Variants in USP42 observed in about 807,000 individuals in gnomAD.
The protein encoded by USP42 is ubiquitin specific peptidase 42, also known as ubiquitin carboxyl-terminal hydrolase 42.
Under a neutral mutation model 113.0 loss-of-function variants are expected in USP42, and 23 were observed. The ratio of observed to expected loss-of-function variants is 0.20; its 90% CI spans 0.15 to 0.29. The LOEUF (loss-of-function observed/expected upper bound fraction) is 0.29, where lower values mean the gene tolerates loss of function less well. Ranked by LOEUF, USP42 falls within the 10% of genes least tolerant of loss-of-function variation. The pLI is 1.00. For synonymous variants in USP42, 933 were observed against 699.0 expected (o/e 1.33, Z -5.28); for missense variants, 2,174 against 1,779.8 (o/e 1.22, Z -3.99).
intron 13 of USP42, 38 bp downstream of exon 13, chr7:6,150,340 G>C: frequency 6.2e-7 from 1 of 1,606,894 alleles, no homozygotes; most frequent in Non-Finnish European, 8.5e-7. Flanking sequence ...CGTTTGTGGC[G>C]GTTCCCTTGG....
At chr7:6,133,556 C>A (rs1000664802) in intron 3 of USP42, among the ~76,000 whole-genome samples, 1 of 152,096 alleles carries the variant, frequency 6.6e-6, no homozygotes, top group East Asian at 1.9e-4. Context: ...ACTCTGTCAC[C>A]CAGGCTGGAG....
intron 7 of USP42, among the ~76,000 whole-genome samples, chr7:6,141,196 CTTTTCTT>C (rs1401852263): frequency 1.5e-5 from 2 of 131,872 alleles, no homozygotes; most frequent in African/African-American, 2.8e-5. Context: ...TTTTCTTTTT[CTTTTCTT>C]TTTTTTTTTT....
At chr7:6,111,511 G>A (rs1779595292) in intron 2 of USP42, 137 bp downstream of exon 2, 2 of 1,027,052 alleles carry the variant, frequency 1.9e-6, no homozygotes, top group African/African-American at 1.6e-5. Flanking sequence ...ATTACTTGAT[G>A]GGCTTTGTTT....
intron 4 of USP42, among the ~76,000 whole-genome samples, chr7:6,137,911 C>T (rs1266193281): frequency 1.3e-5 from 2 of 152,106 alleles, no homozygotes; most frequent in African/African-American, 4.8e-5. Context: ...GATATCCTGA[C>T]CTCATGATCC....
chr7:6,095,447 A>G, the USP42 span, among the ~76,000 whole-genome samples: 1 of 151,092 alleles, frequency 6.6e-6, no homozygotes, highest in African/African-American at 2.5e-5. Flanking sequence ...AGGCAGGCAG[A>G]TCACGAAGTC....
At chr7:6,116,714 C>T (rs544170610) in intron 3 of USP42, 1 of 503,242 alleles carries the variant, frequency 2.0e-6, no homozygotes, top group South Asian at 1.6e-5. Context: ...GAAAAATCAC[C>T]TAGAATCTCA....
At chr7:6,106,825 C>G (rs1299301368) in intron 1 of USP42, among the ~76,000 whole-genome samples, 4 of 152,144 alleles carry the variant, frequency 2.6e-5, no homozygotes, top group Non-Finnish European at 5.9e-5. Flanking sequence ...CTTGGCCTCC[C>G]AAAGTGTTGG....
upstream of USP42, among the ~76,000 whole-genome samples, chr7:6,100,689 T>A (rs1470006640): frequency 6.7e-6 from 1 of 149,628 alleles, no homozygotes; most frequent in East Asian, 1.9e-4. Context: ...TGTCTTTTTT[T>A]TTTTTTTTTT....
intron 9 of USP42, among the ~76,000 whole-genome samples, chr7:6,144,750 A>T (rs989377795): frequency 9.9e-5 from 15 of 151,806 alleles, no homozygotes; most frequent in Non-Finnish European, 1.8e-4. Context: ...GGCACTTGTA[A>T]TCCTAGCTAC....
chr7:6,081,970 G>T, the USP42 span, among the ~76,000 whole-genome samples: 2 of 152,016 alleles, frequency 1.3e-5, no homozygotes, highest in South Asian at 4.1e-4. Flanking sequence ...AACATATTCT[G>T]TGAGACAATA....
intron 3 of USP42, among the ~76,000 whole-genome samples, chr7:6,132,174 C>T (rs1288140880): frequency 6.6e-6 from 1 of 152,142 alleles, no homozygotes; most frequent in Non-Finnish European, 1.5e-5. Context: ...GATCCACCCG[C>T]CTTGGCTTCC....
rs1053409049 is a variant in USP42 at position 6,155,269 on chromosome 7, A to G, written c.3641+74A>G. ...AGTGGGGCCTGTCCCTTCTCACTCG[A>G]CTCAGGAACAAGTGACCAGCCAGGC... On this transcript the variant is annotated intron_variant, in intron 15 of 17. Transcript: ENST00000306177. The G allele has an allele frequency of 4.7e-5, 68 of 1,444,328 alleles. No homozygotes were observed. In the African/African-American group the frequency reaches 7.2e-4, roughly 15 times the overall value. 89.5% of individuals were successfully genotyped at this position (1,444,328 alleles called of 1,614,324 possible).
chr7:6,159,390 A>T lies in USP42; in HGVS notation c.3944-60A>T, dbSNP rs545299704. ...TAGCCACTTAACGCACACACACAGC[A>T]GAGGCCCTGGCGATTTTGCAACCAT... is the stretch of plus-strand genomic sequence containing the variant. On this transcript the variant is annotated intron_variant, in intron 16 of 17. Coordinates refer to ENST00000306177, the MANE Select transcript of USP42 (RefSeq NM_032172.3). The surrounding 1 kb of genome is among the most constrained non-coding windows in gnomAD (Gnocchi z 4.1). 3.7e-6 allele frequency: 6 copies of T among 1,612,370 alleles called. No homozygotes were observed. Among genetic ancestry groups the T allele is most frequent in the Non-Finnish European group, 4.2e-6 (5 of 1,178,808 alleles).
At chr7:6,153,124 T>G (rs974898140) in intron 14 of USP42, 8 of 177,234 alleles carry the variant, frequency 4.5e-5, no homozygotes, top group Non-Finnish European at 8.8e-5. Context: ...AACACAAATA[T>G]CAGCTGGGCA....
intron 3 of USP42, among the ~76,000 whole-genome samples, chr7:6,123,148 C>A (rs1178494134): frequency 6.6e-6 from 1 of 152,086 alleles, no homozygotes; most frequent in African/African-American, 2.4e-5. Flanking sequence ...TTGATGAACT[C>A]ATTTCGTTAC....
At chr7:6,091,936 T>C in the USP42 span, among the ~76,000 whole-genome samples, 19 of 150,774 alleles carry the variant, frequency 1.3e-4, no homozygotes, top group Non-Finnish European at 2.5e-4. Flanking sequence ...CTATTCGATA[T>C]CTGCCTGGAA....
chr7:6,154,850 G>C lies in USP42; in HGVS notation c.3296G>C (p.Gly1099Ala). ...HERPHKDHNR[G>A]RRGCEPARER... Reference sequence around the variant, plus strand: ...CGGCCGCACAAGGACCACAACCGGGGCCGTAGGGGCTGCGAGCCGGCCCGG... The same window carrying C: ...CGGCCGCACAAGGACCACAACCGGGCCCGTAGGGGCTGCGAGCCGGCCCGG... The change falls in exon 15 of 18, where the codon GGC (glycine) becomes GCC (alanine). Residue 1099 changes from glycine to alanine, a missense_variant. Physicochemically the swap from Gly to Ala is moderately conservative, Grantham distance 60. Coordinates refer to ENST00000306177, the MANE Select transcript of USP42 (RefSeq NM_032172.3). 1.3e-6 allele frequency: 2 copies of C among 1,533,432 alleles called. No individual in the cohort carries two copies. The highest frequency in any genetic ancestry group is 1.4e-5 in the African/African-American group (1 of 72,086). 95.0% of individuals were successfully genotyped at this position (1,533,432 alleles called of 1,614,324 possible). A position where few individuals can be genotyped will look rare whatever the true frequency, so the allele number is the denominator to read the frequency against.
upstream of USP42, among the ~76,000 whole-genome samples, chr7:6,100,305 ATTGCC>A (rs1790080806): frequency 1.3e-5 from 2 of 149,630 alleles, no homozygotes; most frequent in Non-Finnish European, 2.9e-5. Context: ...TGTCCCATCC[ATTGCC>A]TGGAGATTTA....
the USP42 span, among the ~76,000 whole-genome samples, chr7:6,092,010 TC>T: frequency 1.0e-5 from 1 of 95,648 alleles, no homozygotes; most frequent in Non-Finnish European, 2.3e-5. Flanking sequence ...TTCTTCTTCT[TC>T]TTCTTCTTCT....
Sources: allele counts gnomAD v4.1 joint callset (sites outside exome capture counted in the v4.1 genomes callset), GRCh38; gene constraint gnomAD v4.1.1; non-coding constraint Gnocchi (gnomAD v3.1); transcripts MANE v1.5; gene names NCBI Gene and HGNC (gene_info 2026-07-23, HGNC 2026-07-21).